UTRN: variants seen among roughly 807,000 people sequenced by gnomAD.
UTRN encodes the protein dystrophin-related protein 1.
Under a neutral mutation model 463.9 loss-of-function variants are expected in UTRN, and 283 were observed. The ratio of observed to expected loss-of-function variants is 0.61; its 90% confidence interval spans 0.55 to 0.67. The LOEUF (loss-of-function observed/expected upper bound fraction) is 0.67. Among genes scored for constraint, UTRN ranks in the 30% least tolerant of loss-of-function variants. The probability of loss-of-function intolerance (pLI) is 0.00; values close to 1 mark genes in which losing one functional copy is unlikely to be tolerated. For missense variants in UTRN, 3,922 were observed against 4,084.3 expected (o/e 0.96, Z 1.08); for synonymous variants, 1,442 against 1,431.5 (o/e 1.01, Z -0.17).
rs541469189 is a variant in UTRN at position 144,603,225 on chromosome 6, A to G, written c.7479+25937A>G. The stretch of plus-strand genomic sequence containing the variant: ...CTGGACAAATAGCTTTCTGATTTTG[A>G]TCTTATAAGGTTGCAATGAATTTTT... On this transcript the variant is annotated intron_variant, in intron 51 of 74. Coordinates refer to ENST00000367545, the MANE Select transcript of UTRN (RefSeq NM_007124.3). Among the ~76,000 whole-genome samples the G allele has an allele frequency of 2.9e-4, 44 of 152,144 alleles. No homozygotes were observed. In the South Asian group the frequency reaches 8.9e-3, roughly 31 times the overall value.
At chr6:144,424,202 C>T in intron 6 of UTRN, 124 bp downstream of exon 6, 1 of 1,035,422 alleles carries the variant, frequency 9.7e-7, no homozygotes, top group East Asian at 2.5e-5. Flanking sequence ...AATTTGTTGT[C>T]TCCCAGTTCT....
intron 3 of UTRN, among the ~76,000 whole-genome samples, chr6:144,410,276 C>G (rs571441679): frequency 2.6e-5 from 4 of 152,172 alleles, no homozygotes; most frequent in Non-Finnish European, 5.9e-5. Flanking sequence ...GGAAGCCTAT[C>G]TTTTGAAGGA....
At chr6:144,323,173 G>C (rs758012147) in intron 2 of UTRN, among the ~76,000 whole-genome samples, 5 of 152,152 alleles carry the variant, frequency 3.3e-5, no homozygotes, top group Admixed American at 6.6e-5. Context: ...TTACATTTAA[G>C]TAACAAAGAT....
At chr6:144,459,622 TCTCA>T (rs1429836982) in intron 21 of UTRN, among the ~76,000 whole-genome samples, 1 of 152,100 alleles carries the variant, frequency 6.6e-6, no homozygotes, top group Non-Finnish European at 1.5e-5. Context: ...AGCTACAGGA[TCTCA>T]CTCTGTCACC....
intron 69 of UTRN, among the ~76,000 whole-genome samples, chr6:144,830,582 G>GC (rs1387683866): frequency 6.6e-6 from 1 of 152,132 alleles, no homozygotes; most frequent in Non-Finnish European, 1.5e-5. Context: ...ATGCCCTTGG[G>GC]ATTATTTATT....
intron 74 of UTRN, among the ~76,000 whole-genome samples, chr6:144,850,507 T>C (rs1314443075): frequency 6.6e-6 from 1 of 152,126 alleles, no homozygotes; most frequent in Non-Finnish European, 1.5e-5. Context: ...TTATATTGTC[T>C]CTGACCTGGG....
At chr6:144,635,132 T>TTG (rs1161068031) in intron 51 of UTRN, among the ~76,000 whole-genome samples, 21 of 146,256 alleles carry the variant, frequency 1.4e-4, no homozygotes, top group Middle Eastern at 3.5e-3. Flanking sequence ...CTCCAGTTAT[T>TTG]TGTGTGTTTT....
chr6:144,528,017 T>C (rs1442540884), intron 41 of UTRN, among the ~76,000 whole-genome samples: 1 of 149,634 alleles, frequency 6.7e-6, no homozygotes, highest in Non-Finnish European at 1.5e-5. Flanking sequence ...GATCCATTGC[T>C]GGTAAGCTAG....
intron 9 of UTRN, among the ~76,000 whole-genome samples, chr6:144,432,978 G>A (rs1170080815): frequency 6.6e-6 from 1 of 152,140 alleles, no homozygotes; most frequent in Non-Finnish European, 1.5e-5. Flanking sequence ...CACAGCACAT[G>A]TTTCAGAGAG....
At chr6:144,641,367 G>A (rs935718647) in intron 51 of UTRN, among the ~76,000 whole-genome samples, 1 of 152,156 alleles carries the variant, frequency 6.6e-6, no homozygotes, top group Non-Finnish European at 1.5e-5. Flanking sequence ...GAATGTCTGG[G>A]TTACAATAAG....
intron 9 of UTRN, among the ~76,000 whole-genome samples, chr6:144,435,484 C>G (rs71564476): frequency 6.6e-6 from 1 of 152,164 alleles, no homozygotes; most frequent in South Asian, 2.1e-4. Flanking sequence ...AGCAATTTAC[C>G]TAAGGGTCAA....
At position 144,614,228 on chromosome 6, in the gene UTRN, T is replaced by C. The variant is rs187507571; in HGVS notation, c.7479+36940T>C. 2.9e-3 allele frequency among the ~76,000 whole-genome samples: 437 copies of C among 152,228 alleles called. 4 individuals are homozygous for C. Among genetic ancestry groups the C allele is most frequent in the Middle Eastern group, 0.014 (4 of 294 alleles). On this transcript the variant is annotated intron_variant, in intron 51 of 74. Transcript: ENST00000367545. ...GTGGGGAGGTGTTGAATGAGATTCA[T>C]GGTGGTAAACAAGAATATAAATTCA...
intron 2 of UTRN, among the ~76,000 whole-genome samples, chr6:144,371,308 T>A (rs1292384514): frequency 6.6e-6 from 1 of 152,252 alleles, no homozygotes; most frequent in Non-Finnish European, 1.5e-5. Flanking sequence ...TATTAGTAGA[T>A]CTAGCATGCT....
chr6:144,552,021 A>G (rs1339354513), intron 48 of UTRN, among the ~76,000 whole-genome samples: 1 of 152,104 alleles, frequency 6.6e-6, no homozygotes, highest in Non-Finnish European at 1.5e-5. Flanking sequence ...TATAGATCTT[A>G]CAACTACTTT....
rs151241418 is a variant in UTRN at position 144,395,902 on chromosome 6, G to T, written c.80-7221G>T. On this transcript the variant is annotated intron_variant, in intron 2 of 74. Coordinates refer to ENST00000367545, the MANE Select transcript of UTRN (RefSeq NM_007124.3). ...TAACAAATATTAGTGAGGATATGGA[G>T]AAATTGGAACTCTCATGCATTATGG... Among the ~76,000 whole-genome samples the T allele has an allele frequency of 2.8e-3, 426 of 152,194 alleles. 1 individual carries two copies. The highest frequency in any genetic ancestry group is 8.8e-3 in the African/African-American group (366 of 41,534).
intron 17 of UTRN, 139 bp downstream of exon 17, chr6:144,448,908 G>T: frequency 1.0e-6 from 1 of 1,003,260 alleles, no homozygotes; most frequent in Non-Finnish European, 1.4e-6. Context: ...GTCAACTACT[G>T]AACCACTCAC....
chr6:144,606,306 A>C (rs900492446), intron 51 of UTRN, among the ~76,000 whole-genome samples: 2 of 152,244 alleles, frequency 1.3e-5, no homozygotes, highest in African/African-American at 4.8e-5. Flanking sequence ...AAACCAAAAG[A>C]GAGAGCAAGA....
chr6:144,357,693 T>G (rs999825810), intron 2 of UTRN, among the ~76,000 whole-genome samples: 1 of 152,272 alleles, frequency 6.6e-6, no homozygotes, highest in African/African-American at 2.4e-5. Flanking sequence ...CTGCAGAAAC[T>G]CTGACAGCCT....
intron 2 of UTRN, among the ~76,000 whole-genome samples, chr6:144,305,582 T>C (rs1386943636): frequency 1.3e-5 from 2 of 152,182 alleles, no homozygotes; most frequent in East Asian, 3.8e-4. Context: ...TTCCTGTTAA[T>C]GAAAGAAATG....
Sources: allele counts gnomAD v4.1 joint callset (sites outside exome capture counted in the v4.1 genomes callset), GRCh38; gene constraint gnomAD v4.1.1; transcripts MANE v1.5; gene names NCBI Gene and HGNC (gene_info 2026-07-23, HGNC 2026-07-21).